Variants in PILRA observed in about 807,000 individuals in gnomAD.
PILRA encodes paired immunoglobin like type 2 receptor alpha.
Under a neutral mutation model 33.1 loss-of-function variants are expected in PILRA, and 37 were observed. The ratio of observed to expected loss-of-function variants is 1.12; its 90% CI spans 0.86 to 1.47. The LOEUF (loss-of-function observed/expected upper bound fraction) is 1.47, where lower values mean the gene tolerates loss of function less well. PILRA is among the 40% of genes most tolerant of loss of function. The pLI, the probability that PILRA is intolerant of heterozygous loss-of-function variation, is 0.00. For synonymous variants in PILRA, 146 were observed against 149.9 expected, an observed-to-expected ratio of 0.97 and a Z score of 0.19; for missense variants, 312 against 376.2, an observed-to-expected ratio of 0.83 and a Z score of 1.41.
In PILRA at chr7:100,396,524, C is replaced by T. The variant is rs1240658460; in HGVS notation, c.674-1355C>T. Among the ~76,000 whole-genome samples, 3 of 152,026 alleles carry T rather than the reference C, an allele frequency of 2.0e-5. No homozygotes were observed. The East Asian group carries it at 5.8e-4, about 29-fold the overall frequency. ...AAAATTACCCAGGCCTGGTGATGGG[C>T]GTCTGTAATCTCAGCTACTTGGGAG... On this transcript the variant is annotated intron_variant, in intron 3 of 6. Transcript: ENST00000198536.
chr7:100,373,880 C>T (rs545707130), intron 1 of PILRA, among the ~76,000 whole-genome samples, 160 bp downstream of exon 1: 5 of 152,280 alleles, frequency 3.3e-5, no homozygotes, highest in Admixed American at 1.3e-4. Flanking sequence ...TCCCCCTCCT[C>T]CCTCCCCCAT....
At chr7:100,383,932 C>G (rs569784455) in intron 2 of PILRA, among the ~76,000 whole-genome samples, 2 of 152,128 alleles carry the variant, frequency 1.3e-5, no homozygotes, top group African/African-American at 4.8e-5. Context: ...CCTCCATGCC[C>G]GGCCCCAACT....
rs529202539 is a variant in PILRA, at chr7:100,375,179, T to C, written c.454+746T>C. 2.6e-5 allele frequency among the ~76,000 whole-genome samples: 4 copies of C among 152,274 alleles called. No individual in the cohort carries two copies. The South Asian group carries it at 8.3e-4, about 32-fold the overall frequency. On this transcript the variant is annotated intron_variant, in intron 2 of 6. Coordinates refer to ENST00000198536, the MANE Select transcript of PILRA (RefSeq NM_013439.3). ...CAGCCGTGCTCTCCCTGTCCTCCACTCTGGTCTTGCTACTCTGTCCTTCCC... is the reference window on the plus strand; with the variant it reads ...CAGCCGTGCTCTCCCTGTCCTCCACCCTGGTCTTGCTACTCTGTCCTTCCC...
Position 100,373,707 on chromosome 7 carries a change from A to G in PILRA, c.51A>G (p.Ala17=). The G allele has an allele frequency of 1.2e-6, 2 of 1,613,348 alleles. No homozygotes were observed. The highest frequency in any genetic ancestry group is 1.1e-5 in the South Asian group (1 of 91,084). ...LPLLPLLLPP[A]FLQPSGSTGS... Reference sequence around the variant, plus strand: ...TACTGCCCTTGCTGCTGCCGCCAGCATTTCTGCAGCCTAGTGAGTACCCAG... The same window carrying G: ...TACTGCCCTTGCTGCTGCCGCCAGCGTTTCTGCAGCCTAGTGAGTACCCAG... The change falls in exon 1 of 7, where the codon GCA becomes GCG. Residue 17 remains alanine, a synonymous_variant. Coordinates refer to ENST00000198536, the MANE Select transcript of PILRA (RefSeq NM_013439.3).
At chr7:100,396,532 A>C (rs1176037476) in intron 3 of PILRA, among the ~76,000 whole-genome samples, 1 of 152,096 alleles carries the variant, frequency 6.6e-6, no homozygotes, top group African/African-American at 2.4e-5. Flanking sequence ...GGCGTCTGTA[A>C]TCTCAGCTAC....
At chr7:100,379,967 A>G (rs999476924) in intron 2 of PILRA, among the ~76,000 whole-genome samples, 2 of 152,222 alleles carry the variant, frequency 1.3e-5, no homozygotes, top group Non-Finnish European at 2.9e-5. Flanking sequence ...AGTTTCAGTA[A>G]TGCTGGCCCC....
At chr7:100,371,565 T>G (rs1340229328), upstream of PILRA, among the ~76,000 whole-genome samples, 1 of 152,064 alleles carries the variant, frequency 6.6e-6, no homozygotes, top group Non-Finnish European at 1.5e-5. Context: ...AAGCAGTGGT[T>G]CTCATAATGC....
At chr7:100,392,026 G>T (rs2130225304) in intron 3 of PILRA, among the ~76,000 whole-genome samples, 1 of 152,176 alleles carries the variant, frequency 6.6e-6, no homozygotes, top group African/African-American at 2.4e-5. Flanking sequence ...CAATGGGCTA[G>T]GCATGATGGC....
At chr7:100,379,934 A>G (rs900310783) in intron 2 of PILRA, among the ~76,000 whole-genome samples, 1 of 152,190 alleles carries the variant, frequency 6.6e-6, no homozygotes, top group African/African-American at 2.4e-5. Context: ...ATGAATGGCA[A>G]TTTATACCAC....
intron 2 of PILRA, among the ~76,000 whole-genome samples, chr7:100,381,294 C>G (rs888736318): frequency 6.6e-6 from 1 of 151,314 alleles, no homozygotes; most frequent in East Asian, 1.9e-4. Context: ...AAACAAAAAA[C>G]AACTAGCTGG....
In PILRA at chr7:100,389,926, A is replaced by G. The variant is rs1584224101; in HGVS notation, c.493A>G (p.Thr165Ala). Residue 165 changes from threonine to alanine, a missense_variant, in exon 3 of 7, where the codon ACC (threonine) becomes GCC (alanine). Transcript: ENST00000198536. ...TTTQRPSSMT[T>A]TWRLSSTTTT... ...CACCCAGAGGCCCAGCAGCATGACT[A>G]CCACCTGGAGGCTCAGTAGCACAAC... 1 of 1,613,864 alleles carries G rather than the reference A, an allele frequency of 6.2e-7. No homozygotes were observed. The highest frequency in any genetic ancestry group is 1.1e-5 in the South Asian group (1 of 91,060).
At chr7:100,397,047 A>G (rs1457453413) in intron 3 of PILRA, among the ~76,000 whole-genome samples, 1 of 150,698 alleles carries the variant, frequency 6.6e-6, no homozygotes, top group Non-Finnish European at 1.5e-5. Context: ...AAACAGAGGG[A>G]CAGAAGAGTG....
At chr7:100,397,991 C>A in intron 4 of PILRA, 79 bp downstream of exon 4, 1 of 1,414,606 alleles carries the variant, frequency 7.1e-7, no homozygotes, top group Non-Finnish European at 1.0e-6. Flanking sequence ...AGGGAGTGTG[C>A]TGCTAAGAAC....
chr7:100,390,807 G>A (rs990290094), intron 3 of PILRA, among the ~76,000 whole-genome samples: 1 of 152,082 alleles, frequency 6.6e-6, no homozygotes, highest in Non-Finnish European at 1.5e-5. Flanking sequence ...CAGTGCTGGT[G>A]GAGGAGGCAG....
chr7:100,399,203 A>C lies in PILRA; in HGVS notation c.708-88A>C, dbSNP rs1791578709. 21 of 875,826 alleles carry C rather than the reference A, an allele frequency of 2.4e-5. 1 individual carries two copies. The South Asian group carries it at 3.1e-4, about 13-fold the overall frequency. The allele number at this position is 875,826 out of a possible 1,614,324, so 54.3% of individuals were successfully genotyped here. ...ATGGCCACCTGCCTCAGTCTCCCAAAGTGCTGGGATTACAGGTGCCACCAC... is the reference window on the plus strand; with the variant it reads ...ATGGCCACCTGCCTCAGTCTCCCAACGTGCTGGGATTACAGGTGCCACCAC... On this transcript the variant is annotated intron_variant, in intron 4 of 6. Transcript: ENST00000198536.
chr7:100,382,275 G>A (rs527727041), intron 2 of PILRA, among the ~76,000 whole-genome samples: 12 of 152,232 alleles, frequency 7.9e-5, no homozygotes, highest in African/African-American at 2.9e-4. Flanking sequence ...CTGTATCTAC[G>A]TCAAGGTTTG....
intron 2 of PILRA, among the ~76,000 whole-genome samples, chr7:100,387,856 G>C (rs552761105): frequency 6.6e-6 from 1 of 152,206 alleles, no homozygotes; most frequent in South Asian, 2.1e-4. Context: ...ACCAGTTTCT[G>C]CATTTATTTT....
At chr7:100,389,788 C>A in intron 2 of PILRA, 100 bp from the exon 3 acceptor site, 1 of 956,600 alleles carries the variant, frequency 1.0e-6, no homozygotes, top group South Asian at 1.3e-5. Context: ...AGCTCCCTCA[C>A]CACTAATGTC....
chr7:100,399,976 T>C lies in PILRA; in HGVS notation c.*69T>C. On this transcript the variant is annotated 3_prime_UTR_variant, in exon 7 of 7. Coordinates refer to ENST00000198536, the MANE Select transcript of PILRA (RefSeq NM_013439.3). ...AGTGGCGCACACCTGTAATCCCAGC[T>C]ACTCTGAAGCCTGAGGCAGAATCAA... The C allele has an allele frequency of 2.1e-6, 3 of 1,443,186 alleles. No individual in the cohort carries two copies. Among genetic ancestry groups the C allele is most frequent in the Middle Eastern group, 1.9e-4 (1 of 5,358 alleles). 89.4% of individuals were successfully genotyped at this position (1,443,186 alleles called of 1,614,324 possible).
Sources: gnomAD v4.1 joint callset for allele counts (sites outside exome capture counted in the v4.1 genomes callset) on GRCh38, gnomAD v4.1.1 for gene constraint, MANE v1.5 for transcripts, NCBI Gene and HGNC (gene_info 2026-07-23, HGNC 2026-07-21) for gene names.